The following ZNF777 variants were observed in gnomAD, a reference collection of about 807,000 sequenced individuals.
The protein encoded by ZNF777 is zinc finger protein 777.
In ZNF777, 7 loss-of-function variants were observed where a neutral mutation model predicts 72.1. That is an observed-to-expected ratio of 0.10 (90% CI 0.06 to 0.18). The LOEUF (loss-of-function observed/expected upper bound fraction) is 0.18. Ranked by LOEUF, ZNF777 falls within the 10% of genes least tolerant of loss-of-function variation. ZNF777 has a pLI of 1.00. For missense variants in ZNF777, 828 were observed against 1,128.6 expected (o/e 0.73, Z 3.82); for synonymous variants, 545 against 483.5 (o/e 1.13, Z -1.67).
In ZNF777 at chr7:149,454,058, G is replaced by A. The variant is rs995880884; in HGVS notation, c.973+53C>T. 5 of 1,607,742 alleles carry A rather than the reference G, an allele frequency of 3.1e-6. No homozygotes were observed. In the African/African-American group the frequency reaches 5.4e-5, roughly 17 times the overall value. ...TTCAGAACTCCCTAAGTTTATGAATGCACTTTGAGCTGGCGTCCAGGCAGC... is the reference window on the plus strand; with the variant it reads ...TTCAGAACTCCCTAAGTTTATGAATACACTTTGAGCTGGCGTCCAGGCAGC... On this transcript the variant is annotated intron_variant, in intron 3 of 5. Transcript: ENST00000247930.
At chr7:149,435,145 T>C (rs551881537) in intron 5 of ZNF777, among the ~76,000 whole-genome samples, 1 of 152,198 alleles carries the variant, frequency 6.6e-6, no homozygotes, top group African/African-American at 2.4e-5. Flanking sequence ...TACCATGGAG[T>C]TACTTAAAAA....
chr7:149,441,559 T>C (rs1799515699), intron 4 of ZNF777, among the ~76,000 whole-genome samples: 1 of 152,232 alleles, frequency 6.6e-6, no homozygotes. Context: ...TTTGAAAGGA[T>C]TCTTGTAGCT....
At chr7:149,458,672 G>T (rs931135990) in intron 1 of ZNF777, among the ~76,000 whole-genome samples, 1 of 152,206 alleles carries the variant, frequency 6.6e-6, no homozygotes, top group African/African-American at 2.4e-5. Flanking sequence ...CGGATTTGGA[G>T]GACTGTAGAG....
Position 149,452,017 on chromosome 7 carries a change from G to A in ZNF777, c.974-905C>T, listed in dbSNP as rs921247209. ...ACAGTGGCTCACGCCTGTAATCCCAGCACTTTGGGAGGCCGAGGCGGGCGG... is the reference window on the plus strand; with the variant it reads ...ACAGTGGCTCACGCCTGTAATCCCAACACTTTGGGAGGCCGAGGCGGGCGG... On this transcript the variant is annotated intron_variant, in intron 3 of 5. Coordinates refer to ENST00000247930, the MANE Select transcript of ZNF777 (RefSeq NM_015694.3). Among the ~76,000 whole-genome samples the A allele has an allele frequency of 2.6e-5, 4 of 152,272 alleles. No individual in the cohort carries two copies. In the East Asian group the frequency reaches 7.8e-4, roughly 30 times the overall value.
intron 4 of ZNF777, among the ~76,000 whole-genome samples, chr7:149,449,604 C>T (rs1585699375): frequency 6.6e-6 from 1 of 152,260 alleles, no homozygotes. Flanking sequence ...CTCTGCCTCG[C>T]AACACTTCTT....
chr7:149,454,990 G>C (rs1799794805), intron 2 of ZNF777, among the ~76,000 whole-genome samples, 187 bp downstream of exon 2: 1 of 152,222 alleles, frequency 6.6e-6, no homozygotes, highest in South Asian at 2.1e-4. Flanking sequence ...GATCCCAGGG[G>C]CATTTCTGTA....
chr7:149,455,993 C>A lies in ZNF777; in HGVS notation c.30G>T (p.Ser10=). 6.2e-7 allele frequency: 1 copy of A among 1,600,068 alleles called. No homozygotes were observed. Among genetic ancestry groups the A allele is most frequent in the Non-Finnish European group, 8.5e-7 (1 of 1,172,412 alleles). Residue 10 remains serine (S), a synonymous_variant, in exon 2 of 6, where the codon TCG becomes TCT. Transcript: ENST00000247930. The surrounding 1 kb of genome is among the most constrained non-coding windows in gnomAD (Gnocchi z 4.2). The part of the protein sequence containing the change: MENQRSSPL[S]FPSVPQEETL... ...TTTCTTCTTGTGGAACACTGGGGAACGACAGAGGTGATGAGCGTTGGTTCT... is the reference window on the plus strand; with the variant it reads ...TTTCTTCTTGTGGAACACTGGGGAAAGACAGAGGTGATGAGCGTTGGTTCT...
chr7:149,441,027 C>G (rs543443019), intron 4 of ZNF777, among the ~76,000 whole-genome samples: 1 of 152,300 alleles, frequency 6.6e-6, no homozygotes, highest in South Asian at 2.1e-4. Flanking sequence ...GGCACATACT[C>G]TACTCTTCCT....
Position 149,431,606 on chromosome 7 carries a change from C to A in ZNF777, c.*170G>T. ...CCGGGGAAACGCGGCAGCAAGGGAC[C>A]TGGTCTCACTGCCCCCATGTCCTTG... On this transcript the variant is annotated 3_prime_UTR_variant, in exon 6 of 6. Coordinates refer to ENST00000247930, the MANE Select transcript of ZNF777 (RefSeq NM_015694.3). 1.4e-6 allele frequency: 1 copy of A among 698,074 alleles called. No homozygotes were observed. Among genetic ancestry groups the A allele is most frequent in the Non-Finnish European group, 2.2e-6 (1 of 459,076 alleles). 43.2% of individuals were successfully genotyped at this position (698,074 alleles called of 1,614,324 possible).
At chr7:149,445,837 T>C (rs1799591117) in intron 4 of ZNF777, among the ~76,000 whole-genome samples, 1 of 152,196 alleles carries the variant, frequency 6.6e-6, no homozygotes, top group African/African-American at 2.4e-5. Flanking sequence ...TTAAGCGGTC[T>C]CTTTAAAAGA....
At chr7:149,450,873 T>C (rs1799699523) in intron 4 of ZNF777, 126 bp downstream of exon 4, 1 of 762,586 alleles carries the variant, frequency 1.3e-6, no homozygotes, top group Non-Finnish European at 2.1e-6. Flanking sequence ...TCCTGGCACC[T>C]GCGGGCCTCC....
chr7:149,434,153 A>G (rs975736611), intron 5 of ZNF777, among the ~76,000 whole-genome samples: 1 of 152,214 alleles, frequency 6.6e-6, no homozygotes, highest in African/African-American at 2.4e-5. Flanking sequence ...TCCAAATAGA[A>G]AATGAAGTCC....
chr7:149,431,887 C>A lies in ZNF777; in HGVS notation c.2385G>T (p.Glu795Asp). The change falls in exon 6 of 6, where the codon GAG becomes GAT. Residue 795 changes from glutamate to aspartate, a missense_variant. Coordinates refer to ENST00000247930, the MANE Select transcript of ZNF777 (RefSeq NM_015694.3). ...KRFTQKHHLL[E>D]HQRAHTGERP... ...GCTCGCCCGTGTGCGCGCGCTGGTG[C>A]TCCAGCAGGTGATGCTTCTGCGTGA... 1 of 1,575,896 alleles carries A rather than the reference C, an allele frequency of 6.3e-7. No individual in the cohort carries two copies. The highest frequency in any genetic ancestry group is 8.6e-7 in the Non-Finnish European group (1 of 1,165,742).
rs1199785563 is a variant in ZNF777, at chr7:149,431,462, T to C, written c.*314A>G. 1 of 446,078 alleles carries C rather than the reference T, an allele frequency of 2.2e-6. No individual in the cohort carries two copies. Among genetic ancestry groups the C allele is most frequent in the Non-Finnish European group, 4.5e-6 (1 of 222,626 alleles). The allele number at this position is 446,078 out of a possible 1,614,324, so 27.6% of individuals were successfully genotyped here. A position where few individuals can be genotyped will look rare whatever the true frequency, so the allele number is the denominator to read the frequency against. ...AACTAGATGGGCCCTACACCGCCCC[T>C]CTGAGTGGCCGGCGGCCAAATCACG... On this transcript the variant is annotated 3_prime_UTR_variant, in exon 6 of 6. Transcript: ENST00000247930.
intron 1 of ZNF777, chr7:149,459,837 C>T: frequency 1.0e-6 from 1 of 984,726 alleles, no homozygotes; most frequent in Non-Finnish European, 1.2e-6. Context: ...GCGGGCCCCG[C>T]AGGGAGCGAG....
intron 1 of ZNF777, among the ~76,000 whole-genome samples, chr7:149,458,309 G>A (rs981184733): frequency 7.2e-5 from 11 of 152,164 alleles, no homozygotes; most frequent in Admixed American, 6.5e-4. Flanking sequence ...TGAAGGAAGC[G>A]CTGGGGGCCC....
Position 149,460,614 on chromosome 7 carries a change from A to C in ZNF777, c.-16+201T>G, listed in dbSNP as rs1799931253. Among the ~76,000 whole-genome samples, 4 of 152,078 alleles carry C rather than the reference A, an allele frequency of 2.6e-5. No individual in the cohort carries two copies. In the South Asian group the frequency reaches 8.3e-4, roughly 32 times the overall value. ...GCATCCTGGGAGGCATGTCCCTCTC[A>C]GGCCGTTTAAAGAGAAACACTCCGA... is the stretch of plus-strand genomic sequence containing the variant. On this transcript the variant is annotated intron_variant, in intron 1 of 5. Coordinates refer to ENST00000247930, the MANE Select transcript of ZNF777 (RefSeq NM_015694.3). This position sits in a 1 kb window ranked among gnomAD's most constrained non-coding sequence, Gnocchi z 6.1.
chr7:149,448,088 T>C (rs1222115433), intron 4 of ZNF777, among the ~76,000 whole-genome samples: 1 of 152,212 alleles, frequency 6.6e-6, no homozygotes, highest in Non-Finnish European at 1.5e-5. Flanking sequence ...CATCTTAATC[T>C]ATATTTTGGA....
At chr7:149,459,380 A>G (rs1799897696) in intron 1 of ZNF777, among the ~76,000 whole-genome samples, 1 of 152,156 alleles carries the variant, frequency 6.6e-6, no homozygotes, top group South Asian at 2.1e-4. Context: ...CCCAGACACC[A>G]TCTGTCAGGG....
Sources: gnomAD v4.1 joint callset for allele counts (sites outside exome capture counted in the v4.1 genomes callset) on GRCh38, gnomAD v4.1.1 for gene constraint, Gnocchi (gnomAD v3.1) non-coding constraint, MANE v1.5 for transcripts, NCBI Gene and HGNC (gene_info 2026-07-23, HGNC 2026-07-21) for gene names.